PAIP1: variants seen among roughly 807,000 people sequenced by gnomAD.
The protein encoded by PAIP1 is poly(A) binding protein interacting protein 1, also known as polyadenylate-binding protein-interacting protein 1.
A neutral mutation model predicts 61.3 loss-of-function variants in PAIP1; 16 were observed. That is an observed-to-expected ratio of 0.26 (90% CI 0.18 to 0.40). The LOEUF (loss-of-function observed/expected upper bound fraction) is 0.40, where lower values mean the gene tolerates loss of function less well. Among genes scored for constraint, PAIP1 ranks in the 10% least tolerant of loss-of-function variants. The pLI is 1.00. For synonymous variants in PAIP1, 187 were observed against 226.2 expected, an observed-to-expected ratio of 0.83 and a Z score of 1.56; for missense variants, 416 against 600.9, an observed-to-expected ratio of 0.69 and a Z score of 3.22.
intron 2 of PAIP1, 108 bp downstream of exon 2, chr5:43,555,721 AT>A (rs1364940931): frequency 7.3e-6 from 6 of 817,838 alleles, no homozygotes; most frequent in Non-Finnish European, 3.7e-6. Context: ...CAATAAAAAA[AT>A]TTTTTTACGT....
chr5:43,550,432 A>T (rs1455639772), intron 2 of PAIP1, among the ~76,000 whole-genome samples: 1 of 152,132 alleles, frequency 6.6e-6, no homozygotes, highest in African/African-American at 2.4e-5. Flanking sequence ...TTCATACATA[A>T]AGGGACTAAA....
intron 2 of PAIP1, among the ~76,000 whole-genome samples, chr5:43,548,943 C>A (rs953043435): frequency 3.9e-5 from 6 of 152,054 alleles, no homozygotes; most frequent in Non-Finnish European, 7.4e-5. Context: ...TGGAGAAAGA[C>A]AGTCTTTTTT....
At chr5:43,529,657 G>C in intron 10 of PAIP1, 129 bp downstream of exon 10, 1 of 679,926 alleles carries the variant, frequency 1.5e-6, no homozygotes, top group Non-Finnish European at 2.7e-6. Flanking sequence ...CTCCCAAAGT[G>C]TTGGGATTAC....
chr5:43,553,520 T>C (rs906974857), intron 2 of PAIP1, among the ~76,000 whole-genome samples: 12 of 152,216 alleles, frequency 7.9e-5, no homozygotes, highest in African/African-American at 2.7e-4. Context: ...TGATAAGTAC[T>C]TGACTATTTG....
At chr5:43,548,884 GA>G (rs919404626) in intron 2 of PAIP1, among the ~76,000 whole-genome samples, 18 of 150,744 alleles carry the variant, frequency 1.2e-4, no homozygotes, top group African/African-American at 3.2e-4. Flanking sequence ...GTGCATAGAA[GA>G]AAAAAAAAGT....
intron 4 of PAIP1, among the ~76,000 whole-genome samples, 194 bp from the exon 5 acceptor site, chr5:43,539,229 C>G (rs1008428009): frequency 6.6e-6 from 1 of 151,550 alleles, no homozygotes; most frequent in African/African-American, 2.4e-5. Context: ...ACTAAGTCTC[C>G]CAGTTTGAAA....
At chr5:43,551,513 T>C (rs1747866036) in intron 2 of PAIP1, among the ~76,000 whole-genome samples, 1 of 152,230 alleles carries the variant, frequency 6.6e-6, no homozygotes, top group Non-Finnish European at 1.5e-5. Flanking sequence ...TTGTACACAT[T>C]CATATACTTA....
At position 43,534,726 on chromosome 5, in the gene PAIP1, T is replaced by C. The variant is rs995813750; in HGVS notation, c.1197+127A>G. ...TTTTTACCCAGTCTGATGGCTGCCA[T>C]GTCACTCAAAGCCAGTGAAGACAGT... On this transcript the variant is annotated intron_variant, in intron 8 of 10. Coordinates refer to ENST00000306846, the MANE Select transcript of PAIP1 (RefSeq NM_006451.5). The C allele has an allele frequency of 2.2e-5, 14 of 634,418 alleles. 1 individual carries two copies. The highest frequency in any genetic ancestry group is 1.7e-4 in the African/African-American group (9 of 54,476). 39.3% of individuals were successfully genotyped at this position (634,418 alleles called of 1,614,324 possible).
Position 43,556,951 on chromosome 5 carries a change from C to T in PAIP1, c.-105G>A. 1 of 1,269,572 alleles carries T rather than the reference C, an allele frequency of 7.9e-7. No individual in the cohort carries two copies. The highest frequency in any genetic ancestry group is 2.5e-5 in the South Asian group (1 of 39,256). The allele number at this position is 1,269,572 out of a possible 1,614,324, so 78.6% of individuals were successfully genotyped here. On this transcript the variant is annotated 5_prime_UTR_variant, in exon 1 of 11. Coordinates refer to ENST00000306846, the MANE Select transcript of PAIP1 (RefSeq NM_006451.5). ...TCGGCTATAGCCGCCGCGCCTCACTCGGGCCTCATGGAGGAGGAGGGCGGC... is the reference window on the plus strand; with the variant it reads ...TCGGCTATAGCCGCCGCGCCTCACTTGGGCCTCATGGAGGAGGAGGGCGGC...
chr5:43,556,269 G>C, intron 1 of PAIP1: 1 of 1,274,286 alleles, frequency 7.8e-7, no homozygotes, highest in Non-Finnish European at 9.9e-7. Flanking sequence ...CGGTGGAAAA[G>C]AGGTGGTTAC....
At chr5:43,537,870 T>C (rs1747215700) in intron 5 of PAIP1, among the ~76,000 whole-genome samples, 1 of 151,866 alleles carries the variant, frequency 6.6e-6, no homozygotes, top group Non-Finnish European at 1.5e-5. Flanking sequence ...GGTACGTGCC[T>C]GTAATCCCAG....
At chr5:43,543,394 A>G (rs1579919685) in intron 3 of PAIP1, among the ~76,000 whole-genome samples, 3 of 151,910 alleles carry the variant, frequency 2.0e-5, no homozygotes, top group Admixed American at 6.6e-5. Context: ...ATGCTAACCC[A>G]TTTTTTGCAG....
In PAIP1 at chr5:43,556,668, C is replaced by T; in HGVS notation, c.179G>A (p.Arg60His). Residue 60 changes from arginine to histidine, a missense_variant, in exon 1 of 11, where the codon CGC becomes CAC. By Grantham distance (29) the Arg-to-His change is conservative. This residue lies in a region of PAIP1 where 4 missense variants were observed against 16.4 expected (regional missense o/e 0.24). Transcript: ENST00000306846. ...TGGCGGCGGGGTCGTCCTGGGCTGGCGCAGCGGCGGTGGCTGCAGGAAGCC... is the reference window on the plus strand; with the variant it reads ...TGGCGGCGGGGTCGTCCTGGGCTGGTGCAGCGGCGGTGGCTGCAGGAAGCC... ...APGFLQPPPLRQPRTTPPPGA... is the reference protein window; with the variant it reads ...APGFLQPPPLHQPRTTPPPGA... The T allele has an allele frequency of 7.8e-7, 1 of 1,285,736 alleles. No homozygotes were observed. Among genetic ancestry groups the T allele is most frequent in the Non-Finnish European group, 9.8e-7 (1 of 1,018,068 alleles). The allele number at this position is 1,285,736 out of a possible 1,614,324, so 79.6% of individuals were successfully genotyped here.
At chr5:43,553,664 C>A (rs1044086317) in intron 2 of PAIP1, among the ~76,000 whole-genome samples, 1 of 152,170 alleles carries the variant, frequency 6.6e-6, no homozygotes, top group South Asian at 2.1e-4. Flanking sequence ...TTGAGAAAAA[C>A]TCTCTTAGCC....
chr5:43,555,162 C>T (rs2111608710), intron 2 of PAIP1, among the ~76,000 whole-genome samples: 1 of 152,334 alleles, frequency 6.6e-6, no homozygotes, highest in Non-Finnish European at 1.5e-5. Context: ...TGATAATGTT[C>T]TATTTCCTGA....
chr5:43,547,654 C>T, intron 3 of PAIP1, 74 bp downstream of exon 3: 1 of 915,932 alleles, frequency 1.1e-6, no homozygotes, highest in Non-Finnish European at 1.7e-6. Context: ...TCTGGTCTCC[C>T]TCAAGGAGTA....
In PAIP1 at chr5:43,535,077, C is replaced by T. The variant is rs574020524; in HGVS notation, c.1080-107G>A. ...TATTTCCTTAATTTAACAGGTACATCTGATGCCTTGACTTTCTAGACGTTT... is the reference window on the plus strand; with the variant it reads ...TATTTCCTTAATTTAACAGGTACATTTGATGCCTTGACTTTCTAGACGTTT... On this transcript the variant is annotated intron_variant, in intron 7 of 10. Transcript: ENST00000306846. 1.8e-4 allele frequency: 120 copies of T among 685,314 alleles called. 1 individual carries two copies. The highest frequency in any genetic ancestry group is 2.3e-4 in the Non-Finnish European group (90 of 386,270). The allele number at this position is 685,314 out of a possible 1,614,324, so 42.5% of individuals were successfully genotyped here.
chr5:43,527,242 T>C lies in PAIP1; in HGVS notation c.*134A>G, dbSNP rs1217494716. 1.8e-5 allele frequency: 9 copies of C among 512,286 alleles called. No homozygotes were observed. The highest frequency in any genetic ancestry group is 3.9e-5 in the African/African-American group (2 of 50,958). The allele number at this position is 512,286 out of a possible 1,614,324, so 31.7% of individuals were successfully genotyped here. On this transcript the variant is annotated 3_prime_UTR_variant, in exon 11 of 11. Coordinates refer to ENST00000306846, the MANE Select transcript of PAIP1 (RefSeq NM_006451.5). ...TTTGGCAGATAGTGTTAAACAAAAT[T>C]AAAGTTGCATACATTAGTAACATAA... is the stretch of plus-strand genomic sequence containing the variant.
At chr5:43,552,653 G>A (rs1266874108) in intron 2 of PAIP1, among the ~76,000 whole-genome samples, 1 of 152,106 alleles carries the variant, frequency 6.6e-6, no homozygotes. Context: ...TTGAAATCTG[G>A]AAGAGAATTA....
Sources: gnomAD v4.1 joint callset for allele counts (sites outside exome capture counted in the v4.1 genomes callset) on GRCh38, gnomAD v4.1.1 for gene constraint, gnomAD v4.1.1 regional missense constraint, MANE v1.5 for transcripts, NCBI Gene and HGNC (gene_info 2026-07-23, HGNC 2026-07-21) for gene names.